WHAMM: variants seen among roughly 807,000 people sequenced by gnomAD.
WHAMM encodes the protein WASP homolog associated with actin, golgi membranes and microtubules.
WHAMM carries 67 observed loss-of-function variants against 76.5 expected under a neutral mutation model. That is an observed-to-expected ratio of 0.88 (90% confidence interval 0.72 to 1.07). The LOEUF is 1.07. Among genes scored for constraint, WHAMM ranks in the 50% least tolerant of loss-of-function variants. The pLI, the probability that WHAMM is intolerant of heterozygous loss-of-function variation, is 0.00. For missense variants in WHAMM, 1,021 were observed against 1,051.1 expected, an observed-to-expected ratio of 0.97 and a Z score of 0.40; for synonymous variants, 419 against 422.1, an observed-to-expected ratio of 0.99 and a Z score of 0.09.
intron 2 of WHAMM, among the ~76,000 whole-genome samples, chr15:82,813,807 C>T (rs1056665475): frequency 2.0e-5 from 3 of 151,590 alleles, no homozygotes; most frequent in African/African-American, 7.3e-5. Flanking sequence ...CAGGTGTGTA[C>T]CACCACGCCC....
chr15:82,826,397 A>G lies in WHAMM; in HGVS notation c.1459-13A>G, dbSNP rs1241846482. 1 of 1,613,792 alleles carries G rather than the reference A, an allele frequency of 6.2e-7. No individual in the cohort carries two copies. Among genetic ancestry groups the G allele is most frequent in the East Asian group, 2.2e-5 (1 of 44,886 alleles). ...ATTAAAAACCATGTAGGTGATTTGT[A>G]TTATTCCACCAGGATCAGTGCAAAG... On this transcript the variant is annotated splice_polypyrimidine_tract_variant and intron_variant, in intron 6 of 9. Coordinates refer to ENST00000286760, the MANE Select transcript of WHAMM (RefSeq NM_001080435.3).
intron 6 of WHAMM, among the ~76,000 whole-genome samples, chr15:82,823,690 C>T (rs1008882926): frequency 6.6e-6 from 1 of 152,114 alleles, no homozygotes; most frequent in African/African-American, 2.4e-5. Flanking sequence ...CTTAGCCTGC[C>T]AAGTAGCTGG....
chr15:82,822,279 A>G (rs892872399), intron 5 of WHAMM, among the ~76,000 whole-genome samples: 10 of 152,234 alleles, frequency 6.6e-5, no homozygotes, highest in African/African-American at 2.4e-4. Flanking sequence ...AGATCCTTAA[A>G]TATTTATCTG....
chr15:82,809,915 C>T lies in WHAMM; in HGVS notation c.189C>T (p.Pro63=). The T allele has an allele frequency of 6.6e-7, 1 of 1,514,212 alleles. No homozygotes were observed. The highest frequency in any genetic ancestry group is 8.9e-7 in the Non-Finnish European group (1 of 1,127,344). 93.8% of individuals were successfully genotyped at this position (1,514,212 alleles called of 1,614,324 possible). A position where few individuals can be genotyped will look rare whatever the true frequency, so the allele number is the denominator to read the frequency against. ...TGCGCGAGGGGGCCCGGTTGGGGCC[C>T]GAGCCCGAGCCCAAGCCTGAGGCCG... is the stretch of plus-strand genomic sequence containing the variant. The part of the protein sequence containing the change: ...RRLREGARLG[P]EPEPKPEAAV... The change falls in exon 1 of 10, where the codon CCC becomes CCT. Residue 63 remains proline (P), a synonymous_variant. Coordinates refer to ENST00000286760, the MANE Select transcript of WHAMM (RefSeq NM_001080435.3).
chr15:82,810,430 T>C lies in WHAMM; in HGVS notation c.609+95T>C, dbSNP rs534508214. The C allele has an allele frequency of 1.1e-5, 14 of 1,220,718 alleles. No individual in the cohort carries two copies. In the South Asian group the frequency reaches 4.1e-4, roughly 35 times the overall value. The allele number at this position is 1,220,718 out of a possible 1,614,324, so 75.6% of individuals were successfully genotyped here. ...GGCGCCGAGAGCCCTGGCTGACGGC[T>C]GACGGGGAGGAGCCGGCGGGCGGAG... On this transcript the variant is annotated intron_variant, in intron 1 of 9. Transcript: ENST00000286760.
intron 9 of WHAMM, 59 bp downstream of exon 9, chr15:82,831,138 TAGCTTCAGA>T: frequency 6.4e-7 from 1 of 1,555,596 alleles, no homozygotes; most frequent in Non-Finnish European, 8.7e-7. Flanking sequence ...TGAAGCATTC[TAGCTTCAGA>T]AGCCATCATC....
chr15:82,832,564 C>T (rs1396229828), intron 9 of WHAMM, among the ~76,000 whole-genome samples: 1 of 152,092 alleles, frequency 6.6e-6, no homozygotes, highest in Non-Finnish European at 1.5e-5. Context: ...CATTTCACAT[C>T]CTCAAAAATA....
intron 8 of WHAMM, among the ~76,000 whole-genome samples, chr15:82,827,910 A>C (rs2050963136): frequency 6.6e-6 from 1 of 152,118 alleles, no homozygotes; most frequent in Non-Finnish European, 1.5e-5. Context: ...GCGCCACTGC[A>C]CTCCAGCCTG....
In WHAMM at chr15:82,833,230, A is replaced by T; in HGVS notation, c.2124A>T (p.Gly708=). 6.2e-7 allele frequency: 1 copy of T among 1,613,106 alleles called. No individual in the cohort carries two copies. Among genetic ancestry groups the T allele is most frequent in the Middle Eastern group, 1.7e-4 (1 of 6,060 alleles). The stretch of plus-strand genomic sequence containing the variant: ...CTAGCTCTGCTTATTCAATTTCAGG[A>T]TCTATGGATGAAGTGTTGGCCTCCT... ...RDSLESFSCP[G]SMDEVLASLR... The change falls in exon 10 of 10, where the codon GGA becomes GGT. Residue 708 remains glycine, a splice_region_variant and synonymous_variant. Transcript: ENST00000286760.
rs945047944 is a variant in WHAMM at position 82,830,838 on chromosome 15, A to G, written c.1881A>G (p.Gln627=). The G allele has an allele frequency of 6.3e-7, 1 of 1,595,822 alleles. No homozygotes were observed. The highest frequency in any genetic ancestry group is 8.5e-7 in the Non-Finnish European group (1 of 1,170,370). Residue 627 remains glutamine, a synonymous_variant, in exon 9 of 10, where the codon CAA becomes CAG. Coordinates refer to ENST00000286760, the MANE Select transcript of WHAMM (RefSeq NM_001080435.3). ...AGGTTTTTGTTCCAGTTGGTGATCAAACACATTCCAAATCCAGTGAGGAAT... is the reference window on the plus strand; with the variant it reads ...AGGTTTTTGTTCCAGTTGGTGATCAGACACATTCCAAATCCAGTGAGGAAT... ...PVQVFVPVGD[Q]THSKSSEELS... is the part of the protein sequence containing the mutation.
intron 5 of WHAMM, among the ~76,000 whole-genome samples, chr15:82,819,961 T>G (rs886200653): frequency 7.9e-5 from 12 of 151,766 alleles, no homozygotes; most frequent in African/African-American, 2.4e-4. Context: ...GGTGGAAGTT[T>G]CAGTGAGCCA....
At chr15:82,818,497 AT>A (rs1431921739) in intron 4 of WHAMM, among the ~76,000 whole-genome samples, 1 of 152,228 alleles carries the variant, frequency 6.6e-6, no homozygotes, top group Non-Finnish European at 1.5e-5. Flanking sequence ...TTTGGTTAAG[AT>A]GTTTCAAAAT....
intron 5 of WHAMM, among the ~76,000 whole-genome samples, chr15:82,820,914 A>AAAAAAAG (rs1566994634): frequency 8.6e-5 from 13 of 151,008 alleles, no homozygotes; most frequent in African/African-American, 2.2e-4. Flanking sequence ...AAAAAAAAAA[A>AAAAAAAG]AAAAAAGAAA....
At chr15:82,826,953 T>A in intron 8 of WHAMM, 107 bp downstream of exon 8, 1 of 1,196,878 alleles carries the variant, frequency 8.4e-7, no homozygotes. Flanking sequence ...ATTCAGAACG[T>A]GAAACATTTA....
chr15:82,823,220 A>G lies in WHAMM; in HGVS notation c.1391A>G (p.Gln464Arg). ...KNLEVKELRR[Q>R]CQQLESKRGR... is the part of the protein sequence containing the mutation. ...TTGGAAGTGAAAGAACTCAGAAGGC[A>G]GTGCCAGCAGCTGGAGTCTAAACGG... The change falls in exon 6 of 10, where the codon CAG becomes CGG. Residue 464 changes from glutamine (Q) to arginine (R), a missense_variant. By Grantham distance (43) the Gln-to-Arg change is conservative. Coordinates refer to ENST00000286760, the MANE Select transcript of WHAMM (RefSeq NM_001080435.3). The G allele has an allele frequency of 6.3e-7, 1 of 1,589,662 alleles. No homozygotes were observed. The highest frequency in any genetic ancestry group is 8.6e-7 in the Non-Finnish European group (1 of 1,165,428).
chr15:82,824,427 A>G (rs1242319207), intron 6 of WHAMM, among the ~76,000 whole-genome samples: 4 of 151,994 alleles, frequency 2.6e-5, no homozygotes, highest in African/African-American at 9.7e-5. Flanking sequence ...TCCAGGATTC[A>G]AGCCTGCCTC....
chr15:82,816,314 G>A (rs1367843334), intron 2 of WHAMM, among the ~76,000 whole-genome samples: 1 of 152,086 alleles, frequency 6.6e-6, no homozygotes, highest in Non-Finnish European at 1.5e-5. Flanking sequence ...AGTAACAACA[G>A]CTAATACTTA....
At chr15:82,813,459 C>T (rs1309739936) in intron 2 of WHAMM, among the ~76,000 whole-genome samples, 183 bp downstream of exon 2, 2 of 151,986 alleles carry the variant, frequency 1.3e-5, no homozygotes, top group Non-Finnish European at 2.9e-5. Context: ...TTTCGAACTC[C>T]TGAGCTCAAG....
Position 82,823,178 on chromosome 15 carries a change from T to C in WHAMM, c.1349T>C (p.Leu450Pro). ...AAAGTCATTGACTGTGTGGTGGGGCTGCAGGATGATAAGAATTTGGAAGTG... is the reference window on the plus strand; with the variant it reads ...AAAGTCATTGACTGTGTGGTGGGGCCGCAGGATGATAAGAATTTGGAAGTG... ...ELKVIDCVVG[L>P]QDDKNLEVKE... Residue 450 changes from leucine to proline, a missense_variant, in exon 6 of 10, where the codon CTG becomes CCG. Leu to Pro is a moderately conservative substitution (Grantham distance 98). Transcript: ENST00000286760. 1.3e-6 allele frequency: 2 copies of C among 1,577,898 alleles called. No homozygotes were observed. The highest frequency in any genetic ancestry group is 1.7e-6 in the Non-Finnish European group (2 of 1,158,968).
Sources: allele counts gnomAD v4.1 joint callset (sites outside exome capture counted in the v4.1 genomes callset), GRCh38; gene constraint gnomAD v4.1.1; transcripts MANE v1.5; gene names NCBI Gene and HGNC (gene_info 2026-07-23, HGNC 2026-07-21).